NREP: variants seen among roughly 807,000 people sequenced by gnomAD.
The protein encoded by NREP is neuronal regeneration related protein, also known as neuronal regeneration-related protein.
Under a neutral mutation model 8.6 loss-of-function variants are expected in NREP, and 5 were observed. The ratio of observed to expected loss-of-function variants is 0.58; its 90% CI spans 0.30 to 1.22. The LOEUF (loss-of-function observed/expected upper bound fraction) is 1.22, where lower values mean the gene tolerates loss of function less well. Ranked by LOEUF, NREP falls within the 50% of genes most tolerant of loss-of-function variation. NREP has a pLI of 0.07. For synonymous variants in NREP, 27 were observed against 28.0 expected (o/e 0.96, Z 0.11); for missense variants, 86 against 82.5 (o/e 1.04, Z -0.17).
chr5:111,875,766 T>C (rs1753892151), intron 2 of NREP, among the ~76,000 whole-genome samples: 1 of 152,196 alleles, frequency 6.6e-6, no homozygotes, highest in Non-Finnish European at 1.5e-5. Flanking sequence ...GAAGCAGCCT[T>C]GTTGTCTGGG....
rs1751552779 is a variant in NREP, at chr5:111,783,961, A to T, written c.136-48454T>A. Among the ~76,000 whole-genome samples the T allele has an allele frequency of 1.3e-5, 2 of 152,244 alleles. 1 individual carries two copies. The highest frequency in any genetic ancestry group is 1.3e-4 in the Admixed American group (2 of 15,274). ...TTCCTACACAAGTAGTGATAACCTC[A>T]GTAATCTGCATGACAAACATAAGTT... On this transcript the variant is annotated intron_variant, in intron 2 of 3. Coordinates refer to the NREP transcript ENST00000395634.
chr5:111,919,821 T>C (rs1367830296), intron 2 of NREP, among the ~76,000 whole-genome samples: 1 of 148,168 alleles, frequency 6.7e-6, no homozygotes, highest in Non-Finnish European at 1.5e-5. Context: ...TGTATACCCA[T>C]GTAACAAACC....
At chr5:111,873,656 TC>T (rs1488143209) in intron 2 of NREP, among the ~76,000 whole-genome samples, 11 of 152,162 alleles carry the variant, frequency 7.2e-5, no homozygotes, top group Non-Finnish European at 1.6e-4. Context: ...GACCTCCTGT[TC>T]CATTATTCAG....
chr5:111,758,235 A>ACACAGT, upstream of NREP: 1 of 985,574 alleles, frequency 1.0e-6, no homozygotes, highest in Non-Finnish European at 1.2e-6. Flanking sequence ...ACACACGTGC[A>ACACAGT]CACAGTCACA....
At chr5:111,756,126 C>T (rs1750687446) in intron 1 of NREP, 1 of 1,084,368 alleles carries the variant, frequency 9.2e-7, no homozygotes, top group African/African-American at 1.6e-5. Context: ...AAAGTAGAAC[C>T]AAGTGATAAA....
chr5:111,861,359 AC>A (rs1177761094), intron 2 of NREP, among the ~76,000 whole-genome samples: 1 of 152,182 alleles, frequency 6.6e-6, no homozygotes, highest in Non-Finnish European at 1.5e-5. Flanking sequence ...TCTGGTGGCT[AC>A]TGATACGCCA....
chr5:111,949,550 T>C (rs148105625), intron 2 of NREP, among the ~76,000 whole-genome samples: 25 of 152,220 alleles, frequency 1.6e-4, no homozygotes, highest in South Asian at 6.2e-4. Context: ...TACATAGGTA[T>C]ACATGTGCCA....
At position 111,730,792 on chromosome 5, in the gene NREP, A is replaced by C; in HGVS notation, c.*129T>G. ...CCTATTTGTCCACTGTAAATTCTCT[A>C]AAGCAAGGCTCAGAGTCCCATAGTT... On this transcript the variant is annotated 3_prime_UTR_variant, in exon 4 of 4. Transcript: ENST00000257435. 1 of 1,095,034 alleles carries C rather than the reference A, an allele frequency of 9.1e-7. No homozygotes were observed. Among genetic ancestry groups the C allele is most frequent in the Non-Finnish European group, 1.3e-6 (1 of 772,638 alleles). The allele number at this position is 1,095,034 out of a possible 1,614,324, so 67.8% of individuals were successfully genotyped here. A position where few individuals can be genotyped will look rare whatever the true frequency, so the allele number is the denominator to read the frequency against.
chr5:111,853,409 A>G (rs1372583649), intron 2 of NREP, among the ~76,000 whole-genome samples: 1 of 149,676 alleles, frequency 6.7e-6, no homozygotes, highest in African/African-American at 2.5e-5. Context: ...TAATGTATAA[A>G]TATTGGCTCA....
chr5:111,737,609 C>T (rs2112799940), intron 2 of NREP, among the ~76,000 whole-genome samples: 1 of 151,556 alleles, frequency 6.6e-6, no homozygotes, highest in Non-Finnish European at 1.5e-5. Context: ...TTCTAAGCAT[C>T]ATTACTAAAA....
chr5:111,862,776 T>C (rs140473131), intron 2 of NREP, among the ~76,000 whole-genome samples: 191 of 151,824 alleles, frequency 1.3e-3, no homozygotes, highest in African/African-American at 4.4e-3. Flanking sequence ...AAACTACCCA[T>C]GGCATTATTA....
At chr5:111,913,780 G>C (rs1454545943) in intron 2 of NREP, among the ~76,000 whole-genome samples, 1 of 152,058 alleles carries the variant, frequency 6.6e-6, no homozygotes, top group Non-Finnish European at 1.5e-5. Context: ...TGATTATAGG[G>C]ATGAGGCTAT....
intron 2 of NREP, among the ~76,000 whole-genome samples, chr5:111,933,753 A>G (rs1377323025): frequency 1.3e-5 from 2 of 152,102 alleles, no homozygotes; most frequent in African/African-American, 4.8e-5. Context: ...ACGAAAGAAT[A>G]CCTGAAGAAT....
chr5:111,958,133 A>C (rs986441962), intron 2 of NREP, among the ~76,000 whole-genome samples: 7 of 151,924 alleles, frequency 4.6e-5, no homozygotes, highest in Non-Finnish European at 8.8e-5. Context: ...CATAAAATTT[A>C]TGTGTAAAAA....
At chr5:111,841,697 A>G (rs1358972983) in intron 2 of NREP, among the ~76,000 whole-genome samples, 4 of 152,106 alleles carry the variant, frequency 2.6e-5, no homozygotes, top group Non-Finnish European at 4.4e-5. Flanking sequence ...GTTTGTTTAT[A>G]TAAGTACGGG....
At chr5:111,749,076 G>A (rs1363599996) in intron 2 of NREP, among the ~76,000 whole-genome samples, 2 of 151,970 alleles carry the variant, frequency 1.3e-5, no homozygotes, top group African/African-American at 4.8e-5. Flanking sequence ...GGGAATCCTG[G>A]GGCAGTTGAG....
intron 2 of NREP, among the ~76,000 whole-genome samples, chr5:111,968,576 C>A (rs1756711857): frequency 6.6e-6 from 1 of 152,070 alleles, no homozygotes; most frequent in African/African-American, 2.4e-5. Context: ...AGTCATGTTG[C>A]CAATCTGATT....
chr5:111,802,368 T>A (rs918111482), intron 2 of NREP, among the ~76,000 whole-genome samples: 1 of 152,142 alleles, frequency 6.6e-6, no homozygotes, highest in Non-Finnish European at 1.5e-5. Context: ...GGCAGATGAC[T>A]CCCAAATTGT....
chr5:111,975,247 G>A, intron 2 of NREP: 5 of 1,498,266 alleles, frequency 3.3e-6, no homozygotes, highest in Non-Finnish European at 4.6e-6. Context: ...ACAAACACGA[G>A]CAAATCAGGA....
Sources: gnomAD v4.1 joint callset for allele counts (sites outside exome capture counted in the v4.1 genomes callset) on GRCh38, gnomAD v4.1.1 for gene constraint, MANE v1.5 for transcripts, NCBI Gene and HGNC (gene_info 2026-07-23, HGNC 2026-07-21) for gene names.